The following PHACTR3 variants were observed in gnomAD, a reference collection of about 807,000 sequenced individuals.
PHACTR3 encodes phosphatase and actin regulator 3.
PHACTR3 carries 16 observed loss-of-function variants against 66.8 expected under a neutral mutation model. The ratio of observed to expected loss-of-function variants is 0.24; its 90% CI spans 0.16 to 0.36. PHACTR3 has a LOEUF of 0.36. Ranked by LOEUF, PHACTR3 falls within the 10% of genes least tolerant of loss-of-function variation. The pLI, the probability that PHACTR3 is intolerant of heterozygous loss-of-function variation, is 1.00. For synonymous variants in PHACTR3, 323 were observed against 292.1 expected, an observed-to-expected ratio of 1.11 and a Z score of -1.08; for missense variants, 647 against 719.9, an observed-to-expected ratio of 0.90 and a Z score of 1.16.
At chr20:59,795,636 T>A (rs1056351162) in intron 7 of PHACTR3, among the ~76,000 whole-genome samples, 3 of 152,156 alleles carry the variant, frequency 2.0e-5, no homozygotes, top group Admixed American at 2.0e-4. Context: ...GATCTAATAA[T>A]ATGTGCTTTA....
intron 11 of PHACTR3, among the ~76,000 whole-genome samples, chr20:59,842,833 G>A (rs930234713): frequency 6.6e-6 from 1 of 152,126 alleles, no homozygotes; most frequent in Non-Finnish European, 1.5e-5. Context: ...TCCCACTACA[G>A]TTCAGCAAAT....
At chr20:59,676,222 A>G (rs980220041) in intron 1 of PHACTR3, among the ~76,000 whole-genome samples, 1 of 152,264 alleles carries the variant, frequency 6.6e-6, no homozygotes, top group Admixed American at 6.5e-5. Context: ...GCCTAAGGCC[A>G]GGAGAAGTTG....
chr20:59,730,200 T>C (rs1282635414), intron 1 of PHACTR3, among the ~76,000 whole-genome samples: 1 of 152,158 alleles, frequency 6.6e-6, no homozygotes, highest in African/African-American at 2.4e-5. Flanking sequence ...CATCAAGAGC[T>C]AATTAAAAAT....
intron 5 of PHACTR3, among the ~76,000 whole-genome samples, chr20:59,767,993 TC>T (rs2146872000): frequency 6.6e-6 from 1 of 152,330 alleles, no homozygotes; most frequent in South Asian, 2.1e-4. Flanking sequence ...TCTGCTGGTC[TC>T]TGTTTTGCTG....
At chr20:59,837,029 C>G (rs2058979218) in intron 9 of PHACTR3, among the ~76,000 whole-genome samples, 1 of 152,170 alleles carries the variant, frequency 6.6e-6, no homozygotes, top group South Asian at 2.1e-4. Context: ...GTTCCAGGAC[C>G]CTCTGTTGCT....
chr20:59,604,603 G>A lies in PHACTR3; in HGVS notation c.-412G>A, dbSNP rs2033591041. The A allele has an allele frequency of 2.1e-5, 5 of 243,688 alleles. No homozygotes were observed. The highest frequency in any genetic ancestry group is 3.2e-5 in the Non-Finnish European group (5 of 157,636). The allele number at this position is 243,688 out of a possible 1,614,324, so 15.1% of individuals were successfully genotyped here. A position where few individuals can be genotyped will look rare whatever the true frequency, so the allele number is the denominator to read the frequency against. ...CCCTTTTTTCCTGGGGGGGTGGGGG[G>A]TGGGGTGGGGGGAGGGAGCGCCCCC... On this transcript the variant is annotated 5_prime_UTR_variant, in exon 1 of 13. In the 5' UTR this introduces an upstream ATG that the reference lacks. Transcript: ENST00000371015.
At chr20:59,697,121 C>A (rs1224251441) in intron 1 of PHACTR3, among the ~76,000 whole-genome samples, 1 of 152,180 alleles carries the variant, frequency 6.6e-6, no homozygotes, top group African/African-American at 2.4e-5. Flanking sequence ...GAGGTAAGGA[C>A]TGCCCCACTT....
chr20:59,648,972 G>A (rs1186761880), intron 1 of PHACTR3, among the ~76,000 whole-genome samples: 5 of 152,194 alleles, frequency 3.3e-5, no homozygotes, highest in Non-Finnish European at 7.3e-5. Context: ...ACATGATGAG[G>A]CTGGGAATAT....
At chr20:59,768,191 A>G (rs77942103) in intron 5 of PHACTR3, among the ~76,000 whole-genome samples, 3,405 of 152,370 alleles carry the variant, frequency 0.022, 58 homozygotes, top group Non-Finnish European at 0.035. Flanking sequence ...GGTATTTTTT[A>G]TCTGGAATTG....
At chr20:59,842,139 A>G (rs2059075080) in intron 11 of PHACTR3, among the ~76,000 whole-genome samples, 1 of 152,204 alleles carries the variant, frequency 6.6e-6, no homozygotes, top group African/African-American at 2.4e-5. Flanking sequence ...GTAGTAGGTC[A>G]TAGAGTCTCT....
Position 59,700,570 on chromosome 20 carries a change from G to A in PHACTR3, c.119-42537G>A, listed in dbSNP as rs554434539. Among the ~76,000 whole-genome samples, 3 of 152,268 alleles carry A rather than the reference G, an allele frequency of 2.0e-5. No homozygotes were observed. In the South Asian group the frequency reaches 6.2e-4, roughly 32 times the overall value. On this transcript the variant is annotated intron_variant, in intron 1 of 12. Transcript: ENST00000371015. ...ACAATTCTAAAAGATGGGTCTACAA[G>A]GGTAGTGCTTAAAAACATCATTTTT...
intron 8 of PHACTR3, among the ~76,000 whole-genome samples, chr20:59,823,700 CAG>C (rs1439624719): frequency 6.6e-5 from 10 of 152,118 alleles, no homozygotes; most frequent in Non-Finnish European, 1.5e-5. Context: ...AGAATCCTTC[CAG>C]AGTTTTAAGG....
Position 59,701,387 on chromosome 20 carries a change from C to T in PHACTR3, c.119-41720C>T, listed in dbSNP as rs114808699. Among the ~76,000 whole-genome samples, 1,077 of 152,304 alleles carry T rather than the reference C, an allele frequency of 7.1e-3. 10 individuals carry two copies. The highest frequency in any genetic ancestry group is 0.024 in the African/African-American group (1,011 of 41,560). On this transcript the variant is annotated intron_variant, in intron 1 of 12. Coordinates refer to ENST00000371015, the MANE Select transcript of PHACTR3 (RefSeq NM_080672.5). ...TGCAGACTTCTCACAAAGCAATACA[C>T]TGCTTCTGCCTGACCATCACTTTGC...
chr20:59,771,969 C>T (rs942743292), intron 5 of PHACTR3, among the ~76,000 whole-genome samples: 40 of 152,334 alleles, frequency 2.6e-4, no homozygotes, highest in African/African-American at 6.5e-4. Context: ...CCTGCCAGGA[C>T]GCTTTTGGAA....
chr20:59,744,118 T>G (rs1456868485), intron 2 of PHACTR3, among the ~76,000 whole-genome samples: 1 of 152,182 alleles, frequency 6.6e-6, no homozygotes, highest in Admixed American at 6.5e-5. Context: ...CCCCCCAGCA[T>G]TTGGCATGGA....
At chr20:59,715,784 G>A (rs937458439) in intron 1 of PHACTR3, among the ~76,000 whole-genome samples, 15 of 151,712 alleles carry the variant, frequency 9.9e-5, no homozygotes, top group African/African-American at 3.1e-4. Context: ...CATCCTTTAC[G>A]TGAGGTTCCA....
At position 59,829,261 on chromosome 20, in the gene PHACTR3, T is replaced by C. The variant is rs2042278283; in HGVS notation, c.1329-7244T>C. On this transcript the variant is annotated intron_variant, in intron 8 of 12. Transcript: ENST00000371015. The surrounding 1 kb of genome is among the most constrained non-coding windows in gnomAD (Gnocchi z 4.2). ...GGCATGTGGACCAGCAGCCAGCACC[T>C]CTCAGCTGAGCCCTCAGTCGGCAGA... Among the ~76,000 whole-genome samples, 1 of 152,150 alleles carries C rather than the reference T, an allele frequency of 6.6e-6. No individual in the cohort carries two copies. The highest frequency in any genetic ancestry group is 1.5e-5 in the Non-Finnish European group (1 of 68,010).
At chr20:59,800,339 G>A (rs1374114211) in intron 7 of PHACTR3, among the ~76,000 whole-genome samples, 1 of 152,112 alleles carries the variant, frequency 6.6e-6, no homozygotes. Flanking sequence ...TATAATGCAG[G>A]TCTGCTGGTG....
At chr20:59,723,962 C>T (rs894023162) in intron 1 of PHACTR3, among the ~76,000 whole-genome samples, 3 of 152,092 alleles carry the variant, frequency 2.0e-5, no homozygotes, top group East Asian at 1.9e-4. Flanking sequence ...ATGTTGGCTG[C>T]CTGGTCTGCA....
Sources: gnomAD v4.1 joint callset for allele counts (sites outside exome capture counted in the v4.1 genomes callset) on GRCh38, gnomAD v4.1.1 for gene constraint, Gnocchi (gnomAD v3.1) non-coding constraint, MANE v1.5 for transcripts, NCBI Gene and HGNC (gene_info 2026-07-23, HGNC 2026-07-21) for gene names.